CNTNAP2: variants seen among roughly 807,000 people sequenced by gnomAD.
The protein encoded by CNTNAP2 is contactin-associated protein-like 2.
A neutral mutation model predicts 155.2 loss-of-function variants in CNTNAP2; 98 were observed. The observed-to-expected ratio is 0.63, with a 90% confidence interval of 0.54 to 0.75. The LOEUF is 0.75. CNTNAP2 is among the 30% of genes least tolerant of loss of function. CNTNAP2 has a pLI of 0.00. For synonymous variants in CNTNAP2, 651 were observed against 631.2 expected (o/e 1.03, Z -0.47); for missense variants, 1,727 against 1,688.1 (o/e 1.02, Z -0.40).
chr7:147,309,478 G>A (rs1795084988), intron 9 of CNTNAP2, among the ~76,000 whole-genome samples: 1 of 151,956 alleles, frequency 6.6e-6, no homozygotes, highest in Non-Finnish European at 1.5e-5. Context: ...AAACCTTTTA[G>A]TTAACATTTT....
At chr7:146,385,735 C>T (rs1331030023) in intron 1 of CNTNAP2, among the ~76,000 whole-genome samples, 1 of 152,148 alleles carries the variant, frequency 6.6e-6, no homozygotes, top group Non-Finnish European at 1.5e-5. Context: ...GCTGCTTTCT[C>T]ATAATATCAG....
At chr7:146,234,167 G>A (rs1269170660) in intron 1 of CNTNAP2, among the ~76,000 whole-genome samples, 8 of 150,974 alleles carry the variant, frequency 5.3e-5, no homozygotes, top group Admixed American at 2.0e-4. Flanking sequence ...TCTAACTGGT[G>A]TGAGATGGTA....
At chr7:146,883,397 C>T (rs948249487) in intron 3 of CNTNAP2, among the ~76,000 whole-genome samples, 10 of 151,920 alleles carry the variant, frequency 6.6e-5, no homozygotes, top group Middle Eastern at 3.2e-3. Flanking sequence ...TCAAAAAATA[C>T]GTTTTTTTCT....
chr7:147,035,161 C>A (rs115674660), intron 3 of CNTNAP2, among the ~76,000 whole-genome samples: 1 of 152,080 alleles, frequency 6.6e-6, no homozygotes, highest in Admixed American at 6.5e-5. Flanking sequence ...TGAGGGGTGG[C>A]GAGGCAAGGT....
At chr7:147,531,546 C>T (rs1314134444) in intron 11 of CNTNAP2, among the ~76,000 whole-genome samples, 1 of 152,216 alleles carries the variant, frequency 6.6e-6, no homozygotes. Context: ...TGGCCCCTTT[C>T]AGCCATGGCT....
chr7:146,611,627 C>A (rs1799139459), intron 1 of CNTNAP2, among the ~76,000 whole-genome samples: 1 of 152,104 alleles, frequency 6.6e-6, no homozygotes, highest in Admixed American at 6.5e-5. Context: ...AAGAACATTT[C>A]TTGTATATGT....
In CNTNAP2 at chr7:148,060,074, A is replaced by G. The variant is rs529583234; in HGVS notation, c.2384-58044A>G. Among the ~76,000 whole-genome samples, 371 of 152,258 alleles carry G rather than the reference A, an allele frequency of 2.4e-3. 1 individual carries two copies. The highest frequency in any genetic ancestry group is 3.6e-3 in the Non-Finnish European group (248 of 68,000). On this transcript the variant is annotated intron_variant, in intron 15 of 23. Transcript: ENST00000361727. ...CTAAGCTGTACCACACAGAAATGCC[A>G]TAACACTCATTTTGACTATTTCAAC...
At chr7:146,323,360 G>T (rs909004597) in intron 1 of CNTNAP2, among the ~76,000 whole-genome samples, 59 of 151,928 alleles carry the variant, frequency 3.9e-4, no homozygotes, top group Non-Finnish European at 5.4e-4. Context: ...CTCTCTCTCG[G>T]TGTTATGCAA....
intron 15 of CNTNAP2, among the ~76,000 whole-genome samples, chr7:148,056,875 C>T (rs1353339544): frequency 6.6e-6 from 1 of 152,160 alleles, no homozygotes; most frequent in African/African-American, 2.4e-5. Context: ...CCAGAGCAGC[C>T]CTTGGCTTTT....
chr7:148,357,150 C>T lies in CNTNAP2; in HGVS notation c.3476-26499C>T, dbSNP rs185683192. Among the ~76,000 whole-genome samples, 548 of 152,128 alleles carry T rather than the reference C, an allele frequency of 3.6e-3. 6 individuals are homozygous for T. Among genetic ancestry groups the T allele is most frequent in the African/African-American group, 0.012 (503 of 41,492 alleles). The stretch of plus-strand genomic sequence containing the variant: ...ATGTCATGGGAGGGACCCAGTGGGA[C>T]GTAATTGAATCATGGGGGTGGGTCT... On this transcript the variant is annotated intron_variant, in intron 21 of 23. Coordinates refer to ENST00000361727, the MANE Select transcript of CNTNAP2 (RefSeq NM_014141.6).
At chr7:146,214,718 G>A (rs1392402292) in intron 1 of CNTNAP2, among the ~76,000 whole-genome samples, 1 of 151,914 alleles carries the variant, frequency 6.6e-6, no homozygotes, top group Non-Finnish European at 1.5e-5. Context: ...TAATTTCCTT[G>A]GATTGTTGTA....
At chr7:146,733,942 C>T (rs952790631) in intron 1 of CNTNAP2, among the ~76,000 whole-genome samples, 6 of 152,064 alleles carry the variant, frequency 3.9e-5, no homozygotes, top group Non-Finnish European at 8.8e-5. Context: ...AAACCCATCT[C>T]CTTACCCTCT....
intron 12 of CNTNAP2, among the ~76,000 whole-genome samples, chr7:147,587,987 T>C (rs189083088): frequency 6.6e-6 from 1 of 152,256 alleles, no homozygotes; most frequent in Non-Finnish European, 1.5e-5. Flanking sequence ...TGTTTTCCTG[T>C]TTAGAAAATG....
intron 3 of CNTNAP2, among the ~76,000 whole-genome samples, chr7:146,984,660 C>T (rs750972630): frequency 6.6e-6 from 1 of 152,132 alleles, no homozygotes; most frequent in Non-Finnish European, 1.5e-5. Flanking sequence ...TCGCCCTTCT[C>T]CCAATGGTGT....
intron 1 of CNTNAP2, among the ~76,000 whole-genome samples, chr7:146,309,822 A>G (rs1800787583): frequency 6.7e-6 from 1 of 149,966 alleles, no homozygotes; most frequent in African/African-American, 2.5e-5. Context: ...AAAAGAAAGA[A>G]GAAAGGAAAG....
intron 18 of CNTNAP2, among the ~76,000 whole-genome samples, chr7:148,197,912 A>G (rs1795302930): frequency 6.6e-6 from 1 of 152,238 alleles, no homozygotes; most frequent in Non-Finnish European, 1.5e-5. Flanking sequence ...CACCATACAG[A>G]TTAGTTCTTC....
intron 15 of CNTNAP2, among the ~76,000 whole-genome samples, chr7:147,985,115 AAAAT>A (rs111265967): frequency 0.13 from 19,323 of 145,378 alleles, 1,529 homozygotes; most frequent in Middle Eastern, 0.27. Context: ...ACTCTGTCAA[AAAAT>A]AAATAAATAA....
chr7:146,923,951 C>T (rs1314523255), intron 3 of CNTNAP2, among the ~76,000 whole-genome samples: 2 of 152,120 alleles, frequency 1.3e-5, no homozygotes, highest in East Asian at 3.9e-4. Context: ...TTTAATGAGC[C>T]CTCCCAGCAA....
chr7:147,993,200 T>C (rs926342961), intron 15 of CNTNAP2, among the ~76,000 whole-genome samples: 1 of 152,184 alleles, frequency 6.6e-6, no homozygotes, highest in Non-Finnish European at 1.5e-5. Flanking sequence ...GTTTTCTCCA[T>C]TTTAACAAAG....
Sources: allele counts gnomAD v4.1 joint callset (sites outside exome capture counted in the v4.1 genomes callset), GRCh38; gene constraint gnomAD v4.1.1; transcripts MANE v1.5; gene names NCBI Gene and HGNC (gene_info 2026-07-23, HGNC 2026-07-21).